The following ADCY2 variants were observed in gnomAD, a reference collection of about 807,000 sequenced individuals.
ADCY2 encodes the protein adenylate cyclase 2.
Under a neutral mutation model 125.2 loss-of-function variants are expected in ADCY2, and 31 were observed. That is an observed-to-expected ratio of 0.25 (90% confidence interval 0.19 to 0.33). The LOEUF (loss-of-function observed/expected upper bound fraction) is 0.33, where lower values mean the gene tolerates loss of function less well. Among genes scored for constraint, ADCY2 ranks in the 10% least tolerant of loss-of-function variants. ADCY2 has a pLI of 1.00. For synonymous variants in ADCY2, 512 were observed against 548.4 expected, an observed-to-expected ratio of 0.93 and a Z score of 0.93; for missense variants, 904 against 1,418.2, an observed-to-expected ratio of 0.64 and a Z score of 5.82.
At chr5:7,674,146 C>T (rs1740036013) in intron 4 of ADCY2, among the ~76,000 whole-genome samples, 3 of 152,192 alleles carry the variant, frequency 2.0e-5, no homozygotes, top group Admixed American at 6.5e-5. Flanking sequence ...CTGGCCCCCA[C>T]GGCATCACTC....
At chr5:7,596,474 A>G (rs1386499645) in intron 3 of ADCY2, among the ~76,000 whole-genome samples, 1 of 152,224 alleles carries the variant, frequency 6.6e-6, no homozygotes, top group Non-Finnish European at 1.5e-5. Flanking sequence ...ACAATAACGA[A>G]ATACCTAAAA....
intron 22 of ADCY2, among the ~76,000 whole-genome samples, chr5:7,810,175 A>G (rs1744887848): frequency 6.6e-6 from 1 of 152,058 alleles, no homozygotes; most frequent in African/African-American, 2.4e-5. Flanking sequence ...TAAAAAGGAT[A>G]TTTTGCTGGA....
chr5:7,531,453 A>G (rs1288813401), intron 3 of ADCY2, among the ~76,000 whole-genome samples: 2 of 152,314 alleles, frequency 1.3e-5, no homozygotes, highest in Admixed American at 6.5e-5. Flanking sequence ...GGCTGCTCTA[A>G]CAAATTACTA....
At chr5:7,634,991 G>T (rs1738444787) in intron 4 of ADCY2, among the ~76,000 whole-genome samples, 1 of 152,130 alleles carries the variant, frequency 6.6e-6, no homozygotes, top group Non-Finnish European at 1.5e-5. Context: ...TCAGACCTAG[G>T]AGGGCCTGAG....
At chr5:7,424,910 A>G (rs1388150647) in intron 2 of ADCY2, among the ~76,000 whole-genome samples, 2 of 152,156 alleles carry the variant, frequency 1.3e-5, no homozygotes, top group East Asian at 3.9e-4. Context: ...CCTAGCTCCT[A>G]TATGCCTGTC....
In ADCY2 at chr5:7,430,616, A is replaced by G. The variant is rs570655604; in HGVS notation, c.408+15846A>G. Among the ~76,000 whole-genome samples the G allele has an allele frequency of 2.8e-4, 41 of 148,212 alleles. 1 individual carries two copies. Among genetic ancestry groups the G allele is most frequent in the African/African-American group, 8.5e-4 (33 of 39,006 alleles). On this transcript the variant is annotated intron_variant, in intron 2 of 24. Transcript: ENST00000338316. ...AACATGAACAAATGTAGTTTATCTC[A>G]AGAATGCAGAGTTGGTTTAATATTT...
chr5:7,535,517 A>C (rs1325378691), intron 3 of ADCY2, among the ~76,000 whole-genome samples: 1 of 152,226 alleles, frequency 6.6e-6, no homozygotes, highest in African/African-American at 2.4e-5. Context: ...ATCTCCAAGC[A>C]TGACAGCTAA....
intron 3 of ADCY2, among the ~76,000 whole-genome samples, chr5:7,532,565 G>A (rs1734683723): frequency 6.6e-6 from 1 of 152,130 alleles, no homozygotes; most frequent in African/African-American, 2.4e-5. Flanking sequence ...TTCCCTTTAA[G>A]CTTTCTCCTA....
intron 7 of ADCY2, 101 bp from the exon 8 acceptor site, chr5:7,706,643 G>C (rs574326488): frequency 2.1e-6 from 3 of 1,404,806 alleles, no homozygotes; most frequent in South Asian, 1.3e-5. Flanking sequence ...ATTTCCGACA[G>C]TTTGAAAAAT....
chr5:7,436,904 T>A (rs1446405843), intron 2 of ADCY2, among the ~76,000 whole-genome samples: 2 of 152,176 alleles, frequency 1.3e-5, no homozygotes, highest in Non-Finnish European at 2.9e-5. Context: ...CTGAACTTGT[T>A]GGAGCCGAGC....
intron 3 of ADCY2, among the ~76,000 whole-genome samples, chr5:7,547,827 C>T (rs368056491): frequency 3.3e-5 from 5 of 152,196 alleles, no homozygotes; most frequent in Non-Finnish European, 1.5e-5. Context: ...AGACTTCTTG[C>T]GGAGGGACTA....
chr5:7,656,936 T>G (rs945652825), intron 4 of ADCY2, among the ~76,000 whole-genome samples: 6 of 152,206 alleles, frequency 3.9e-5, no homozygotes, highest in South Asian at 4.1e-4. Flanking sequence ...ACTTTCTAAG[T>G]GCCAACATGA....
At chr5:7,713,508 T>C (rs12520419) in intron 11 of ADCY2, among the ~76,000 whole-genome samples, 1 of 150,868 alleles carries the variant, frequency 6.6e-6, no homozygotes, top group African/African-American at 2.4e-5. Flanking sequence ...AAAAAAAAAA[T>C]AAAAAGAAAA....
intron 22 of ADCY2, among the ~76,000 whole-genome samples, chr5:7,805,532 C>T (rs1376206562): frequency 6.6e-6 from 1 of 152,056 alleles, no homozygotes; most frequent in African/African-American, 2.4e-5. Flanking sequence ...TAAAAAAGAC[C>T]TCCTTTCCCC....
intron 3 of ADCY2, among the ~76,000 whole-genome samples, chr5:7,592,304 C>G (rs763606625): frequency 6.6e-6 from 1 of 151,844 alleles, no homozygotes; most frequent in Non-Finnish European, 1.5e-5. Context: ...CAGATGGAAG[C>G]TGATATCGTT....
chr5:7,600,760 A>G (rs1737173094), intron 3 of ADCY2, among the ~76,000 whole-genome samples: 1 of 152,170 alleles, frequency 6.6e-6, no homozygotes, highest in African/African-American at 2.4e-5. Flanking sequence ...GTAAATTCAG[A>G]CCATCTGTGG....
intron 1 of ADCY2, among the ~76,000 whole-genome samples, chr5:7,401,160 G>A (rs1739249991): frequency 6.6e-6 from 1 of 152,208 alleles, no homozygotes; most frequent in African/African-American, 2.4e-5. Context: ...TACATGCAAA[G>A]CCCTTAGAAC....
chr5:7,717,118 A>G, intron 11 of ADCY2, 39 bp from the exon 12 acceptor site: 1 of 1,365,020 alleles, frequency 7.3e-7, no homozygotes, highest in Non-Finnish European at 1.0e-6. Flanking sequence ...TTATTTTACT[A>G]ATAATATCCT....
intron 1 of ADCY2, among the ~76,000 whole-genome samples, chr5:7,406,073 T>C (rs1739479575): frequency 6.6e-6 from 1 of 152,052 alleles, no homozygotes; most frequent in Non-Finnish European, 1.5e-5. Context: ...TTGCCCAGGC[T>C]GGTCTCAAAC....
Sources: allele counts gnomAD v4.1 joint callset (sites outside exome capture counted in the v4.1 genomes callset), GRCh38; gene constraint gnomAD v4.1.1; transcripts MANE v1.5; gene names NCBI Gene and HGNC (gene_info 2026-07-23, HGNC 2026-07-21).